ACSM1: variants seen among roughly 807,000 people sequenced by gnomAD.
The protein encoded by ACSM1 is acyl-CoA synthetase medium chain family member 1, also known as acyl-coenzyme A synthetase ACSM1, mitochondrial.
In ACSM1, 79 loss-of-function variants were observed where a neutral mutation model predicts 75.8. That is an observed-to-expected ratio of 1.04 (90% CI 0.87 to 1.26). The LOEUF (loss-of-function observed/expected upper bound fraction) is 1.26. ACSM1 is among the 50% of genes most tolerant of loss of function. The pLI, the probability that ACSM1 is intolerant of heterozygous loss-of-function variation, is 0.00. For missense variants in ACSM1, 676 were observed against 720.1 expected, an observed-to-expected ratio of 0.94 and a Z score of 0.70; for synonymous variants, 279 against 265.8, an observed-to-expected ratio of 1.05 and a Z score of -0.48.
chr16:20,686,744 C>G (rs920772967), intron 2 of ACSM1, among the ~76,000 whole-genome samples: 12 of 151,940 alleles, frequency 7.9e-5, no homozygotes, highest in African/African-American at 2.7e-4. Context: ...AGCCCAGTTT[C>G]AGGCTACAGT....
intron 11 of ACSM1, among the ~76,000 whole-genome samples, chr16:20,626,027 G>A (rs1403091005): frequency 2.0e-5 from 3 of 151,950 alleles, no homozygotes; most frequent in African/African-American, 7.3e-5. Flanking sequence ...TTCTTTTGTG[G>A]TAAGAACATA....
intron 4 of ACSM1, 72 bp downstream of exon 4, chr16:20,682,184 G>T (rs1437429726): frequency 2.7e-6 from 4 of 1,466,280 alleles, no homozygotes; most frequent in Non-Finnish European, 3.8e-6. Flanking sequence ...CAACCCCACT[G>T]GTCTCTCTGA....
At chr16:20,677,929 G>A (rs1251418962) in intron 4 of ACSM1, among the ~76,000 whole-genome samples, 1 of 152,014 alleles carries the variant, frequency 6.6e-6, no homozygotes, top group Admixed American at 6.6e-5. Flanking sequence ...AAATTCTACA[G>A]CTCTTAAATG....
chr16:20,692,707 G>C (rs915781990), intron 1 of ACSM1, among the ~76,000 whole-genome samples: 2 of 152,160 alleles, frequency 1.3e-5, no homozygotes, highest in Non-Finnish European at 2.9e-5. Flanking sequence ...GGTATGGCAA[G>C]GAAATATATT....
chr16:20,651,654 C>CTA (rs1018693048), intron 7 of ACSM1, among the ~76,000 whole-genome samples: 6 of 151,714 alleles, frequency 4.0e-5, no homozygotes, highest in African/African-American at 1.2e-4. Flanking sequence ...AAATAAAATA[C>CTA]TATATATATA....
intron 10 of ACSM1, among the ~76,000 whole-genome samples, chr16:20,636,124 C>T (rs2017691925): frequency 6.6e-6 from 1 of 152,148 alleles, no homozygotes; most frequent in South Asian, 2.1e-4. Flanking sequence ...GAGATGAAGT[C>T]TGAAATCAAT....
At chr16:20,680,562 C>T (rs2079421820) in intron 4 of ACSM1, 1 of 152,222 alleles carries the variant, frequency 6.6e-6, no homozygotes, top group Non-Finnish European at 1.5e-5. Context: ...AACCAACAGC[C>T]TCAGCCAGTG....
At chr16:20,630,841 A>T (rs2017297400) in intron 10 of ACSM1, among the ~76,000 whole-genome samples, 1 of 152,238 alleles carries the variant, frequency 6.6e-6, no homozygotes, top group Non-Finnish European at 1.5e-5. Context: ...AGTCACATGA[A>T]AGGAATTAAC....
intron 5 of ACSM1, among the ~76,000 whole-genome samples, chr16:20,670,245 C>A (rs1046808903): frequency 6.6e-6 from 1 of 152,180 alleles, no homozygotes; most frequent in Non-Finnish European, 1.5e-5. Context: ...CCAGACATGT[C>A]ATCCCTATCC....
At position 20,624,142 on chromosome 16, in the gene ACSM1, T is replaced by C. The variant is rs1217275984; in HGVS notation, c.1601A>G (p.Gln534Arg). The C allele has an allele frequency of 6.2e-7, 1 of 1,613,492 alleles. No individual in the cohort carries two copies. The highest frequency in any genetic ancestry group is 8.5e-7 in the Non-Finnish European group (1 of 1,179,536). The change falls in exon 13 of 14, where the codon CAG (glutamine) becomes CGG (arginine). Residue 534 changes from glutamine (Q) to arginine (R), a missense_variant. Transcript: ENST00000520010. ...HDKDQLTKELQQHVKSVTAPY... is the reference protein window; with the variant it reads ...HDKDQLTKELRQHVKSVTAPY... Reference sequence around the variant, plus strand: ...GGCTGTCACTGACTTGACATGCTGCTGCAGTTCCTTGGTCAGCTGATCCTT... The same window carrying C: ...GGCTGTCACTGACTTGACATGCTGCCGCAGTTCCTTGGTCAGCTGATCCTT...
chr16:20,665,393 C>G (rs78111475), intron 6 of ACSM1, among the ~76,000 whole-genome samples: 4,638 of 152,106 alleles, frequency 0.03, 225 homozygotes, highest in African/African-American at 0.11. Context: ...ATTAGAAAAT[C>G]TACAGGAAAT....
chr16:20,669,721 T>A (rs1596898431), intron 6 of ACSM1, 106 bp downstream of exon 6: 1 of 1,170,690 alleles, frequency 8.5e-7, no homozygotes. Flanking sequence ...AGGATCATCT[T>A]AGGCTCATGG....
rs754991881 is a variant in ACSM1, at chr16:20,685,157, C to A, written c.403+36G>T. 1.9e-6 allele frequency: 3 copies of A among 1,611,068 alleles called. No individual in the cohort carries two copies. The African/African-American group carries it at 4.0e-5, about 22-fold the overall frequency. On this transcript the variant is annotated intron_variant, in intron 3 of 13. Transcript: ENST00000520010. ...TCAGGACCCATTGGTTCTAGAACAG[C>A]CCCGAGGTCCACCAGGTCCCTCTTG...
At position 20,623,405 on chromosome 16, in the gene ACSM1, C is replaced by A; in HGVS notation, c.*81G>T. 7 of 1,235,070 alleles carry A rather than the reference C, an allele frequency of 5.7e-6. No homozygotes were observed. Among genetic ancestry groups the A allele is most frequent in the Non-Finnish European group, 8.3e-6 (7 of 842,994 alleles). The allele number at this position is 1,235,070 out of a possible 1,614,324, so 76.5% of individuals were successfully genotyped here. Reference sequence around the variant, plus strand: ...CAAATCAACACTCTCAATGCCCCACCCTCGTCCTCACCATAGTGGGGAGAC... The same window carrying A: ...CAAATCAACACTCTCAATGCCCCACACTCGTCCTCACCATAGTGGGGAGAC... On this transcript the variant is annotated 3_prime_UTR_variant, in exon 14 of 14. Transcript: ENST00000520010.
chr16:20,665,609 G>C (rs1458074105), intron 6 of ACSM1, among the ~76,000 whole-genome samples: 5 of 146,440 alleles, frequency 3.4e-5, no homozygotes, highest in Admixed American at 3.3e-4. Context: ...AGATTAAGGA[G>C]AAGGGACTCC....
At chr16:20,627,785 C>T (rs991390331) in intron 10 of ACSM1, among the ~76,000 whole-genome samples, 24 of 149,852 alleles carry the variant, frequency 1.6e-4, no homozygotes, top group African/African-American at 4.9e-4. Flanking sequence ...GCCAAGATCG[C>T]GCCACTGCAA....
At chr16:20,685,911 C>T (rs572099593) in intron 2 of ACSM1, among the ~76,000 whole-genome samples, 3 of 151,616 alleles carry the variant, frequency 2.0e-5, no homozygotes, top group Non-Finnish European at 4.4e-5. Context: ...ACTGTAGCCA[C>T]CCTGCCTCAA....
intron 5 of ACSM1, among the ~76,000 whole-genome samples, chr16:20,670,532 C>T (rs1437985187): frequency 3.3e-5 from 5 of 152,106 alleles, no homozygotes; most frequent in Non-Finnish European, 7.4e-5. Flanking sequence ...GATCAGATCT[C>T]CTCCTCCCTA....
intron 4 of ACSM1, chr16:20,673,908 A>G (rs1283956426): frequency 3.5e-6 from 1 of 285,854 alleles, no homozygotes; most frequent in Non-Finnish European, 7.1e-6. Context: ...TGAGAGGAAC[A>G]TGGAAGGTTG....
Sources: allele counts gnomAD v4.1 joint callset (sites outside exome capture counted in the v4.1 genomes callset), GRCh38; gene constraint gnomAD v4.1.1; transcripts MANE v1.5; gene names NCBI Gene and HGNC (gene_info 2026-07-23, HGNC 2026-07-21).